KCNH1: variants seen among roughly 807,000 people sequenced by gnomAD.
KCNH1 encodes voltage-gated delayed rectifier potassium channel KCNH1.
Under a neutral mutation model 69.2 loss-of-function variants are expected in KCNH1, and 27 were observed. The ratio of observed to expected loss-of-function variants is 0.39; its 90% confidence interval spans 0.29 to 0.54. The LOEUF (loss-of-function observed/expected upper bound fraction) is 0.54. Ranked by LOEUF, KCNH1 falls within the 20% of genes least tolerant of loss-of-function variation. The probability of loss-of-function intolerance (pLI) is 0.68; values close to 1 mark genes in which losing one functional copy is unlikely to be tolerated. For missense variants in KCNH1, 798 were observed against 1,261.6 expected (o/e 0.63, Z 5.57); for synonymous variants, 456 against 487.7 (o/e 0.93, Z 0.86).
chr1:211,013,197 T>C (rs1376472022), intron 6 of KCNH1, among the ~76,000 whole-genome samples: 1 of 152,168 alleles, frequency 6.6e-6, no homozygotes, highest in Non-Finnish European at 1.5e-5. Context: ...GGATAAGTAA[T>C]GAACGTTGGT....
chr1:211,002,353 T>TATAC (rs1553369892), intron 6 of KCNH1, among the ~76,000 whole-genome samples: 2 of 144,996 alleles, frequency 1.4e-5, no homozygotes, highest in African/African-American at 2.6e-5. Flanking sequence ...TATATATATA[T>TATAC]ACACACACAC....
chr1:210,892,493 C>T (rs749917228), intron 7 of KCNH1, among the ~76,000 whole-genome samples: 3 of 152,050 alleles, frequency 2.0e-5, no homozygotes, highest in Non-Finnish European at 2.9e-5. Context: ...ACTGACAGCT[C>T]CCCCACACAT....
chr1:210,729,341 C>T (rs1440186148), intron 10 of KCNH1, among the ~76,000 whole-genome samples: 3 of 152,162 alleles, frequency 2.0e-5, no homozygotes, highest in Admixed American at 1.3e-4. Context: ...CTGTCCTTTC[C>T]TTGTGCTTCA....
At chr1:210,921,493 G>A (rs190575132) in intron 6 of KCNH1, among the ~76,000 whole-genome samples, 58 of 152,256 alleles carry the variant, frequency 3.8e-4, no homozygotes, top group East Asian at 7.7e-4. Context: ...GTCAAGTTAT[G>A]TCACAGACAG....
At chr1:210,792,159 C>T (rs1465169666) in intron 9 of KCNH1, among the ~76,000 whole-genome samples, 1 of 152,150 alleles carries the variant, frequency 6.6e-6, no homozygotes, top group Non-Finnish European at 1.5e-5. Flanking sequence ...CCTCCTACTT[C>T]CCAGAGGTTC....
At chr1:210,773,993 C>T (rs1053828328) in intron 10 of KCNH1, among the ~76,000 whole-genome samples, 4 of 152,044 alleles carry the variant, frequency 2.6e-5, no homozygotes, top group East Asian at 1.9e-4. Context: ...GGCAGAGACA[C>T]GGCACTCTGA....
At chr1:211,131,512 CTAA>C (rs1691875637) in intron 1 of KCNH1, among the ~76,000 whole-genome samples, 1 of 152,104 alleles carries the variant, frequency 6.6e-6, no homozygotes, top group African/African-American at 2.4e-5. Flanking sequence ...GAGAAAATAT[CTAA>C]TAAAATGATC....
chr1:210,858,099 A>G (rs1685895456), intron 7 of KCNH1: 1 of 152,232 alleles, frequency 6.6e-6, no homozygotes, highest in African/African-American at 2.4e-5. Context: ...ATATTGTTAC[A>G]AAACTGAAAT....
At chr1:210,823,179 GC>G (rs1684965516) in intron 7 of KCNH1, among the ~76,000 whole-genome samples, 1 of 152,084 alleles carries the variant, frequency 6.6e-6, no homozygotes, top group Non-Finnish European at 1.5e-5. Context: ...GTACCAGGCA[GC>G]CAATTACTTC....
chr1:210,867,537 T>C (rs765629346), intron 7 of KCNH1, among the ~76,000 whole-genome samples: 1 of 151,978 alleles, frequency 6.6e-6, no homozygotes. Flanking sequence ...TATTGAGGTA[T>C]AATTTACATG....
chr1:211,030,572 G>T (rs1571591676), intron 5 of KCNH1, among the ~76,000 whole-genome samples: 1 of 152,040 alleles, frequency 6.6e-6, no homozygotes, highest in East Asian at 1.9e-4. Context: ...AAAGGAACCA[G>T]GACCTAAGTC....
At chr1:210,859,053 T>G (rs1685917818) in intron 7 of KCNH1, 1 of 646,436 alleles carries the variant, frequency 1.5e-6, no homozygotes, top group Non-Finnish European at 2.7e-6. Flanking sequence ...GTTGTGATTT[T>G]TTTTCTGTCC....
intron 10 of KCNH1, among the ~76,000 whole-genome samples, chr1:210,699,091 A>G (rs1052384017): frequency 6.6e-6 from 1 of 152,182 alleles, no homozygotes; most frequent in Non-Finnish European, 1.5e-5. Context: ...CTGCTCCCCA[A>G]GTGAGTCTCT....
At chr1:211,075,783 C>G (rs1690721604) in intron 5 of KCNH1, among the ~76,000 whole-genome samples, 1 of 152,230 alleles carries the variant, frequency 6.6e-6, no homozygotes. Flanking sequence ...GGAGCATTGC[C>G]TCACCCAGGA....
intron 4 of KCNH1, among the ~76,000 whole-genome samples, chr1:211,088,913 T>C (rs1305684336): frequency 6.6e-6 from 1 of 152,196 alleles, no homozygotes; most frequent in Non-Finnish European, 1.5e-5. Context: ...GAGCATTTTA[T>C]TCCTGGAAAA....
chr1:211,054,586 A>G (rs1270647996), intron 5 of KCNH1, among the ~76,000 whole-genome samples: 1 of 152,152 alleles, frequency 6.6e-6, no homozygotes, highest in Non-Finnish European at 1.5e-5. Context: ...CCAATAAGGA[A>G]GTTAAAAATA....
At chr1:210,768,330 TGGCCTGAAGTCACTAAGTAGGGCCA>T (rs1395801871) in intron 10 of KCNH1, among the ~76,000 whole-genome samples, 3 of 152,234 alleles carry the variant, frequency 2.0e-5, no homozygotes, top group Non-Finnish European at 4.4e-5. Flanking sequence ...GTTAGGTAAC[TGGCCTGAAGTCACTAAGTAGGGCCA>T]GGATTTGAAC....
chr1:211,032,401 GA>G (rs1416963569), intron 5 of KCNH1, among the ~76,000 whole-genome samples: 1 of 152,170 alleles, frequency 6.6e-6, no homozygotes, highest in Admixed American at 6.5e-5. Context: ...CACAGAATTG[GA>G]AAAAACTACT....
At position 211,019,159 on chromosome 1, in the gene KCNH1, G is replaced by A. The variant is rs770912292; in HGVS notation, c.656C>T (p.Thr219Met). The change falls in exon 6 of 11, where the codon ACG becomes ATG. Residue 219 changes from threonine to methionine, a missense_variant. This residue lies in a region of KCNH1 where 266 missense variants were observed against 457.2 expected (regional missense o/e 0.58). Transcript: ENST00000271751. ...IILHYCVFKTTWDWIILILTF... is the reference protein window; with the variant it reads ...IILHYCVFKTMWDWIILILTF... ...CAAGATCAAGATGATCCAATCCCAC[G>A]TGGTCTTAAAAACACAATAATGTAA... The A allele has an allele frequency of 8.7e-6, 14 of 1,613,756 alleles. No individual in the cohort carries two copies. Among genetic ancestry groups the A allele is most frequent in the African/African-American group, 5.3e-5 (4 of 74,898 alleles).
Sources: gnomAD v4.1 joint callset for allele counts (sites outside exome capture counted in the v4.1 genomes callset) on GRCh38, gnomAD v4.1.1 for gene constraint, gnomAD v4.1.1 regional missense constraint, MANE v1.5 for transcripts, NCBI Gene and HGNC (gene_info 2026-07-23, HGNC 2026-07-21) for gene names.